The following OBI1 variants were observed in gnomAD, a reference collection of about 807,000 sequenced individuals.
OBI1 encodes ORC ubiquitin ligase 1.
Under a neutral mutation model 62.4 loss-of-function variants are expected in OBI1, and 59 were observed. That is an observed-to-expected ratio of 0.95 (90% CI 0.77 to 1.17). OBI1 has a LOEUF of 1.17. Ranked by LOEUF, OBI1 falls within the 50% of genes most tolerant of loss-of-function variation. The pLI, the probability that OBI1 is intolerant of heterozygous loss-of-function variation, is 0.00. For missense variants in OBI1, 875 were observed against 830.9 expected (o/e 1.05, Z -0.65); for synonymous variants, 302 against 292.8 (o/e 1.03, Z -0.32).
intron 1 of OBI1, 132 bp from the exon 2 acceptor site, chr13:78,645,129 TA>T: frequency 1.3e-6 from 1 of 787,308 alleles, no homozygotes. Context: ...CTAGCGCTTT[TA>T]AAAACACTGC....
At position 78,644,889 on chromosome 13, in the gene OBI1, G is replaced by A. The variant is rs1876335044; in HGVS notation, c.181C>T (p.Pro61Ser). The A allele has an allele frequency of 3.1e-6, 5 of 1,613,940 alleles. No individual in the cohort carries two copies. In the East Asian group the frequency reaches 8.9e-5, roughly 29 times the overall value. Reference sequence around the variant, plus strand: ...ATAATTTCTTTGCAAGGATTTTCAGGAGTGATGGGGACTCTGCAAGCTGGA... The same window carrying A: ...ATAATTTCTTTGCAAGGATTTTCAGAAGTGATGGGGACTCTGCAAGCTGGA... ...QCPACRVPIT[P>S]ENPCKEIIGG... The change falls in exon 2 of 6, where the codon CCT (proline) becomes TCT (serine). Residue 61 changes from proline to serine, a missense_variant. Transcript: ENST00000282003.
chr13:78,632,647 A>G (rs1875889017), intron 5 of OBI1, among the ~76,000 whole-genome samples: 1 of 152,198 alleles, frequency 6.6e-6, no homozygotes, highest in South Asian at 2.1e-4. Flanking sequence ...AACTCTTGAA[A>G]TGTCTTATTC....
chr13:78,651,957 G>A (rs1011122479), intron 1 of OBI1, among the ~76,000 whole-genome samples: 1 of 152,144 alleles, frequency 6.6e-6, no homozygotes, highest in Non-Finnish European at 1.5e-5. Flanking sequence ...CTGTCAAACT[G>A]TAAAAAAGCA....
intron 1 of OBI1, among the ~76,000 whole-genome samples, chr13:78,657,687 TATA>T (rs1876753134): frequency 6.6e-6 from 1 of 152,214 alleles, no homozygotes; most frequent in Admixed American, 6.5e-5. Context: ...GGAAACTATA[TATA>T]ATGTGTACAA....
At position 78,614,330 on chromosome 13, in the gene OBI1, G is replaced by C. The variant is rs917665936; in HGVS notation, c.*1250C>G. On this transcript the variant is annotated 3_prime_UTR_variant, in exon 6 of 6. Coordinates refer to ENST00000282003, the MANE Select transcript of OBI1 (RefSeq NM_024546.4). ...TTCTTTATTCAATTCACATAGAAAAGCATGCAGTATTAATGTAAAACAGTA... is the reference window on the plus strand; with the variant it reads ...TTCTTTATTCAATTCACATAGAAAACCATGCAGTATTAATGTAAAACAGTA... The C allele has an allele frequency of 3.3e-5, 5 of 152,488 alleles. No homozygotes were observed. The highest frequency in any genetic ancestry group is 1.2e-4 in the African/African-American group (5 of 41,376). 9.4% of individuals were successfully genotyped at this position (152,488 alleles called of 1,614,324 possible). A position where few individuals can be genotyped will look rare whatever the true frequency, so the allele number is the denominator to read the frequency against.
At position 78,616,111 on chromosome 13, in the gene OBI1, G is replaced by A. The variant is rs746544043; in HGVS notation, c.1650C>T (p.Asn550=). ...ELDSMMSESD[N]SKSPCNNGFK... ...AACCGTTATTACAAGGGCTCTTGCT[G>A]TTGTCTGACTCTGACATCATTGAAT... The change falls in exon 6 of 6, where the codon AAC becomes AAT. Residue 550 remains asparagine (N), a synonymous_variant. Coordinates refer to ENST00000282003, the MANE Select transcript of OBI1 (RefSeq NM_024546.4). 5.0e-6 allele frequency: 8 copies of A among 1,614,120 alleles called. No homozygotes were observed. In the South Asian group the frequency reaches 7.7e-5, roughly 16 times the overall value.
chr13:78,633,492 C>G (rs556723802), intron 5 of OBI1, among the ~76,000 whole-genome samples: 2 of 152,158 alleles, frequency 1.3e-5, no homozygotes, highest in African/African-American at 4.8e-5. Flanking sequence ...CTTATTCCTG[C>G]ATTGTCTTTT....
rs1340020055 is a variant in OBI1, at chr13:78,616,001, G to GT, written c.1759dup (p.Thr587AsnfsTer2). ...AGAACCTTTGGAAAGGTTTAGCTCA[G>GT]TTTTTTCTTCCAACTTATCAGGTTC... is the stretch of plus-strand genomic sequence containing the variant. On this transcript the variant is annotated frameshift_variant, in exon 6 of 6. Transcript: ENST00000282003. LOFTEE classifies it high-confidence loss of function. 6.2e-7 allele frequency: 1 copy of GT among 1,614,116 alleles called. No individual in the cohort carries two copies. Among genetic ancestry groups the GT allele is most frequent in the Admixed American group, 1.7e-5 (1 of 60,018 alleles).
chr13:78,650,152 T>C (rs972927892), intron 1 of OBI1, among the ~76,000 whole-genome samples: 7 of 152,108 alleles, frequency 4.6e-5, no homozygotes, highest in Non-Finnish European at 8.8e-5. Flanking sequence ...AGGAAGGAAG[T>C]AGATGAGTAG....
At position 78,638,962 on chromosome 13, in the gene OBI1, T is replaced by C. The variant is rs779825231; in HGVS notation, c.410A>G (p.Asn137Ser). ...GACTAGATGTTTGTCTTCATTTTGGTTGCCCTGCACCAAGGTTAAAGGATC... is the reference window on the plus strand; with the variant it reads ...GACTAGATGTTTGTCTTCATTTTGGCTGCCCTGCACCAAGGTTAAAGGATC... ...ILDPLTLVQG[N>S]QNEDKHLVTD... The change falls in exon 4 of 6, where the codon AAC (asparagine) becomes AGC (serine). Residue 137 changes from asparagine (N) to serine (S), a missense_variant. Coordinates refer to ENST00000282003, the MANE Select transcript of OBI1 (RefSeq NM_024546.4). 3.7e-6 allele frequency: 6 copies of C among 1,614,046 alleles called. No homozygotes were observed. The highest frequency in any genetic ancestry group is 5.1e-6 in the Non-Finnish European group (6 of 1,179,960).
intron 5 of OBI1, among the ~76,000 whole-genome samples, chr13:78,629,258 T>C (rs994022841): frequency 6.6e-6 from 1 of 152,036 alleles, no homozygotes; most frequent in African/African-American, 2.4e-5. Context: ...ATCAAACCCA[T>C]AGATCTCACT....
chr13:78,633,861 A>T (rs1483752962), intron 5 of OBI1, among the ~76,000 whole-genome samples: 3 of 151,928 alleles, frequency 2.0e-5, no homozygotes, highest in Admixed American at 2.0e-4. Flanking sequence ...AGGTCAGGAG[A>T]TCGAGACCAT....
At chr13:78,645,941 C>T (rs1164519428) in intron 1 of OBI1, among the ~76,000 whole-genome samples, 2 of 152,136 alleles carry the variant, frequency 1.3e-5, no homozygotes, top group East Asian at 1.9e-4. Flanking sequence ...TGAGCCACCG[C>T]GCCTGGCCTG....
chr13:78,634,095 A>G (rs1875945828), intron 5 of OBI1, among the ~76,000 whole-genome samples: 1 of 111,082 alleles, frequency 9.0e-6, no homozygotes, highest in African/African-American at 3.4e-5. Flanking sequence ...AACAAAAAAC[A>G]AAAAAAAAAA....
In OBI1 at chr13:78,656,455, G is replaced by C. The variant is rs1445195591; in HGVS notation, c.72+2594C>G. On this transcript the variant is annotated intron_variant, in intron 1 of 5. Transcript: ENST00000282003. ...AAATTTGCCGGGCGTGGTGGCGCAT[G>C]CCTGTAATCCCAGCTACTCAGGAGG... 2.0e-5 allele frequency among the ~76,000 whole-genome samples: 3 copies of C among 152,146 alleles called. No individual in the cohort carries two copies. The East Asian group carries it at 5.8e-4, about 30-fold the overall frequency.
At chr13:78,658,448 T>A (rs1224023825) in intron 1 of OBI1, among the ~76,000 whole-genome samples, 3 of 152,214 alleles carry the variant, frequency 2.0e-5, no homozygotes, top group African/African-American at 7.2e-5. Flanking sequence ...GACCCATTCT[T>A]GGAGTTAAAA....
chr13:78,626,783 T>C (rs1215553373), intron 5 of OBI1, among the ~76,000 whole-genome samples: 2 of 152,094 alleles, frequency 1.3e-5, no homozygotes, highest in Non-Finnish European at 2.9e-5. Flanking sequence ...CCAAGAATAT[T>C]GGGGCCAGGC....
intron 5 of OBI1, among the ~76,000 whole-genome samples, chr13:78,628,827 G>T (rs1462296912): frequency 1.3e-5 from 2 of 152,140 alleles, no homozygotes; most frequent in Admixed American, 1.3e-4. Flanking sequence ...GTGCTCTGTG[G>T]TTAATTTGAG....
At chr13:78,655,995 G>A (rs1347256985) in intron 1 of OBI1, among the ~76,000 whole-genome samples, 4 of 152,142 alleles carry the variant, frequency 2.6e-5, no homozygotes, top group African/African-American at 9.7e-5. Context: ...ATGTACTGTG[G>A]CAATTTCCAG....
Sources: allele counts gnomAD v4.1 joint callset (sites outside exome capture counted in the v4.1 genomes callset), GRCh38; gene constraint gnomAD v4.1.1; transcripts MANE v1.5; gene names NCBI Gene and HGNC (gene_info 2026-07-23, HGNC 2026-07-21).